Variants in ASPH observed in about 807,000 individuals in gnomAD.
The protein encoded by ASPH is aspartyl/asparaginyl beta-hydroxylase.
A neutral mutation model predicts 118.4 loss-of-function variants in ASPH; 100 were observed. The ratio of observed to expected loss-of-function variants is 0.84; its 90% CI spans 0.72 to 1.00. ASPH has a LOEUF of 1.00. Among genes scored for constraint, ASPH ranks in the 50% least tolerant of loss-of-function variants. The probability of loss-of-function intolerance (pLI) is 0.00; values close to 1 mark genes in which losing one functional copy is unlikely to be tolerated. For missense variants in ASPH, 920 were observed against 919.5 expected (o/e 1.00, Z -0.01); for synonymous variants, 315 against 325.6 (o/e 0.97, Z 0.35).
At chr8:61,526,221 C>A in intron 21 of ASPH, 109 bp from the exon 22 acceptor site, 5 of 1,399,380 alleles carry the variant, frequency 3.6e-6, no homozygotes, top group Non-Finnish European at 4.8e-6. Flanking sequence ...TAATTCTTTG[C>A]CTTATCTAGA....
chr8:61,598,429 AT>A lies in ASPH; in HGVS notation c.977-14401del, dbSNP rs370300897. 1.4e-4 allele frequency among the ~76,000 whole-genome samples: 21 copies of A among 152,326 alleles called. No homozygotes were observed. In the East Asian group the frequency reaches 2.7e-3, roughly 20 times the overall value. On this transcript the variant is annotated intron_variant, in intron 14 of 24. Coordinates refer to ENST00000379454, the MANE Select transcript of ASPH (RefSeq NM_004318.4). Reference sequence around the variant, plus strand: ...AAACAAAGAAGGTCATTATATAATGATAAAGGGATCAATTCTTCAAGAGGAC... The same window carrying A: ...AAACAAAGAAGGTCATTATATAATGAAAAGGGATCAATTCTTCAAGAGGAC...
In ASPH at chr8:61,706,311, T is replaced by C. The variant is rs1836595716; in HGVS notation, c.103+7958A>G. 2.1e-5 allele frequency among the ~76,000 whole-genome samples: 3 copies of C among 145,200 alleles called. No individual in the cohort carries two copies. The South Asian group carries it at 6.4e-4, about 31-fold the overall frequency. ...GGTGGTGCATGCCTGTAGTCCCAGC[T>C]ACCAGGGAGGCTGAGGTCGGAGGAT... On this transcript the variant is annotated intron_variant, in intron 1 of 24. Transcript: ENST00000379454.
At chr8:61,616,767 A>G (rs1021608529) in intron 14 of ASPH, among the ~76,000 whole-genome samples, 1 of 151,870 alleles carries the variant, frequency 6.6e-6, no homozygotes, top group African/African-American at 2.4e-5. Context: ...TCCCTAATTC[A>G]CCACCCCTTC....
In ASPH at chr8:61,635,457, C is replaced by A. The variant is rs187806098; in HGVS notation, c.890-1730G>T. ...CCCAACTAGCTCAGGTTGGCATATT[C>A]AACCCCCCACTTGATACTTTCACTT... On this transcript the variant is annotated intron_variant, in intron 12 of 24. Coordinates refer to ENST00000379454, the MANE Select transcript of ASPH (RefSeq NM_004318.4). Among the ~76,000 whole-genome samples the A allele has an allele frequency of 3.3e-3, 509 of 152,226 alleles. 2 individuals carry two copies. Among genetic ancestry groups the A allele is most frequent in the Middle Eastern group, 0.02 (6 of 294 alleles).
At chr8:61,593,843 T>A (rs539035439) in intron 14 of ASPH, among the ~76,000 whole-genome samples, 1 of 152,262 alleles carries the variant, frequency 6.6e-6, no homozygotes, top group South Asian at 2.1e-4. Flanking sequence ...CTGAATTTTA[T>A]CCCCACGCAC....
chr8:61,649,999 A>G (rs1398838983), intron 5 of ASPH, among the ~76,000 whole-genome samples: 1 of 152,044 alleles, frequency 6.6e-6, no homozygotes. Context: ...ACTCACCACC[A>G]GCACTGGCCT....
At chr8:61,511,764 C>G (rs138144036) in intron 24 of ASPH, among the ~76,000 whole-genome samples, 2 of 152,066 alleles carry the variant, frequency 1.3e-5, no homozygotes, top group African/African-American at 4.8e-5. Flanking sequence ...CCACCATGCC[C>G]GGCTAATTTT....
At chr8:61,618,761 T>G (rs923348013) in intron 14 of ASPH, among the ~76,000 whole-genome samples, 1 of 152,216 alleles carries the variant, frequency 6.6e-6, no homozygotes, top group African/African-American at 2.4e-5. Context: ...ATGTCAAAAC[T>G]AGAATTAGAA....
chr8:61,645,141 T>G (rs1012237904), intron 6 of ASPH, among the ~76,000 whole-genome samples: 1 of 152,230 alleles, frequency 6.6e-6, no homozygotes, highest in African/African-American at 2.4e-5. Flanking sequence ...ACCACACTTA[T>G]GACCTTGCTA....
intron 14 of ASPH, among the ~76,000 whole-genome samples, chr8:61,594,177 TC>T (rs1320037867): frequency 6.6e-6 from 1 of 152,212 alleles, no homozygotes; most frequent in East Asian, 1.9e-4. Context: ...TAACTGATGT[TC>T]ATTAAAATCA....
At chr8:61,675,883 T>C (rs767895703) in intron 3 of ASPH, 24 of 1,386,966 alleles carry the variant, frequency 1.7e-5, no homozygotes, top group African/African-American at 1.4e-4. Context: ...TTTTCTTCAA[T>C]AGAAGTTGGG....
chr8:61,676,243 T>A (rs772488508), intron 3 of ASPH: 1 of 1,594,752 alleles, frequency 6.3e-7, no homozygotes, highest in Non-Finnish European at 8.5e-7. Flanking sequence ...AAAACCAATC[T>A]GAACTTTCCT....
chr8:61,675,697 T>TA, intron 3 of ASPH: 1 of 1,008,434 alleles, frequency 9.9e-7, no homozygotes, highest in Non-Finnish European at 1.2e-6. Context: ...TCATAATTAA[T>TA]AGTGTGTTAG....
At position 61,643,503 on chromosome 8, in the gene ASPH, G is replaced by A. The variant is rs1319718461; in HGVS notation, c.710-70C>T. On this transcript the variant is annotated intron_variant, in intron 8 of 24. Transcript: ENST00000379454. ...CACATTGCCAGACAGCATTCTAGGA[G>A]ATTCATAAATTAATTATCTTCACAA... The A allele has an allele frequency of 5.6e-6, 8 of 1,416,354 alleles. No homozygotes were observed. The African/African-American group carries it at 1.0e-4, about 18-fold the overall frequency. The allele number at this position is 1,416,354 out of a possible 1,614,324, so 87.7% of individuals were successfully genotyped here.
At chr8:61,589,674 A>C (rs1439883526) in intron 14 of ASPH, among the ~76,000 whole-genome samples, 1 of 152,174 alleles carries the variant, frequency 6.6e-6, no homozygotes, top group Non-Finnish European at 1.5e-5. Context: ...CCCACAGTGG[A>C]GGGAGACCTA....
At chr8:61,664,329 A>G (rs925997517) in intron 3 of ASPH, 3 of 972,342 alleles carry the variant, frequency 3.1e-6, no homozygotes, top group African/African-American at 1.8e-5. Context: ...AAAATAATGG[A>G]AAAAAAGTGT....
chr8:61,611,802 T>C (rs1847453324), intron 14 of ASPH, among the ~76,000 whole-genome samples: 1 of 152,136 alleles, frequency 6.6e-6, no homozygotes, highest in Non-Finnish European at 1.5e-5. Context: ...AACACAGCAA[T>C]TAAAAGCCAA....
intron 21 of ASPH, among the ~76,000 whole-genome samples, chr8:61,532,436 C>A (rs1199454049): frequency 6.6e-6 from 1 of 152,082 alleles, no homozygotes; most frequent in Non-Finnish European, 1.5e-5. Context: ...TTATTAACCC[C>A]TTATCAGATA....
chr8:61,579,056 G>C (rs776281213), intron 15 of ASPH: 442 of 1,611,026 alleles, frequency 2.7e-4, no homozygotes, highest in Non-Finnish European at 3.7e-4. Context: ...CTGAGGCTGA[G>C]AGCATGTACC....
Sources: gnomAD v4.1 joint callset for allele counts (sites outside exome capture counted in the v4.1 genomes callset) on GRCh38, gnomAD v4.1.1 for gene constraint, MANE v1.5 for transcripts, NCBI Gene and HGNC (gene_info 2026-07-23, HGNC 2026-07-21) for gene names.